The following MGA variants were observed in gnomAD, a reference collection of about 807,000 sequenced individuals.
MGA encodes the protein MAX gene-associated protein.
A neutral mutation model predicts 261.1 loss-of-function variants in MGA; 40 were observed. The observed-to-expected ratio is 0.15, with a 90% CI of 0.12 to 0.20. MGA has a LOEUF of 0.20. Among genes scored for constraint, MGA ranks in the 10% least tolerant of loss-of-function variants. The pLI, the probability that MGA is intolerant of heterozygous loss-of-function variation, is 1.00. For synonymous variants in MGA, 1,302 were observed against 1,290.6 expected, an observed-to-expected ratio of 1.01 and a Z score of -0.19; for missense variants, 3,397 against 3,630.5, an observed-to-expected ratio of 0.94 and a Z score of 1.65.
chr15:41,698,838 A>ATTTT, intron 3 of MGA, 25 bp from the exon 4 acceptor site: 8 of 1,333,050 alleles, frequency 6.0e-6, no homozygotes, highest in Non-Finnish European at 6.0e-6. Flanking sequence ...ATGAACTACT[A>ATTTT]TTTTTTTTTT....
chr15:41,679,136 A>T (rs1238587247), intron 2 of MGA, among the ~76,000 whole-genome samples: 1 of 151,892 alleles, frequency 6.6e-6, no homozygotes, highest in Non-Finnish European at 1.5e-5. Flanking sequence ...CCTGTGTTTA[A>T]GCAATTCTCC....
Position 41,761,784 on chromosome 15 carries a change from A to G in MGA, c.7444A>G (p.Ile2482Val). 10 of 1,600,954 alleles carry G rather than the reference A, an allele frequency of 6.2e-6. No individual in the cohort carries two copies. Among genetic ancestry groups the G allele is most frequent in the East Asian group, 2.2e-5 (1 of 44,648 alleles). Residue 2482 changes from isoleucine to valine, a missense_variant, in exon 21 of 24, where the codon ATA becomes GTA. By Grantham distance (29) the Ile-to-Val change is conservative. Around this residue, in one of 9 missense-constraint regions of MGA, gnomAD observed 50 missense variants for 121.5 expected, o/e 0.41. Transcript: ENST00000219905. The stretch of plus-strand genomic sequence containing the variant: ...ACTAACAGATCAGGCAGACAAATTG[A>G]TAGGACAGAAAAATCTCCTGACTCG...
At position 41,736,682 on chromosome 15, in the gene MGA, C is replaced by T. The variant is rs1187276759; in HGVS notation, c.4418C>T (p.Thr1473Ile). The T allele has an allele frequency of 1.2e-6, 2 of 1,609,002 alleles. No homozygotes were observed. The highest frequency in any genetic ancestry group is 1.7e-6 in the Non-Finnish European group (2 of 1,177,640). ...TATAAACGTAAACCCAGTTCAAGTA[C>T]ATCTGGGCTTATCCAGGTGAGAATT... Residue 1473 changes from threonine to isoleucine, a missense_variant, in exon 13 of 24, where the codon ACA becomes ATA. Physicochemically the swap from Thr to Ile is moderately conservative, Grantham distance 89 (BLOSUM62 -1). Transcript: ENST00000219905.
At chr15:41,656,357 T>TCTCTCTCTCTCC (rs2057185681), upstream of MGA, among the ~76,000 whole-genome samples, 1 of 126,534 alleles carries the variant, frequency 7.9e-6, no homozygotes, top group Non-Finnish European at 1.8e-5. Context: ...TCTCTCTCTC[T>TCTCTCTCTCTCC]CTCTCTCTCT....
intron 2 of MGA, among the ~76,000 whole-genome samples, chr15:41,676,915 T>A (rs2058416205): frequency 6.6e-6 from 1 of 152,216 alleles, no homozygotes; most frequent in African/African-American, 2.4e-5. Flanking sequence ...AACATCTACC[T>A]GGTTTCCCAG....
At chr15:41,692,165 AT>A (rs2059324371) in intron 2 of MGA, among the ~76,000 whole-genome samples, 1 of 151,898 alleles carries the variant, frequency 6.6e-6, no homozygotes, top group Admixed American at 6.6e-5. Context: ...GTGGCTTCCT[AT>A]TTTAGTAAAT....
intron 2 of MGA, among the ~76,000 whole-genome samples, chr15:41,683,641 C>T (rs1215376271): frequency 1.3e-5 from 2 of 148,198 alleles, no homozygotes; most frequent in Non-Finnish European, 3.0e-5. Flanking sequence ...TGCAGTGGCG[C>T]GATCTTGGCT....
chr15:41,762,373 C>A lies in MGA; in HGVS notation c.7744+11C>A, dbSNP rs755204797. 25 of 1,592,828 alleles carry A rather than the reference C, an allele frequency of 1.6e-5. No individual in the cohort carries two copies. In the African/African-American group the frequency reaches 3.3e-4, roughly 21 times the overall value. ...AAGACCAGGCCACAGGTAGGAGGGACATTCTTCGCTTTCCTTAATGTAGAT... is the reference window on the plus strand; with the variant it reads ...AAGACCAGGCCACAGGTAGGAGGGAAATTCTTCGCTTTCCTTAATGTAGAT... On this transcript the variant is annotated intron_variant, in intron 22 of 23. Transcript: ENST00000219905.
At chr15:41,727,120 C>T in intron 9 of MGA, 60 bp from the exon 10 acceptor site, 1 of 1,377,434 alleles carries the variant, frequency 7.3e-7, no homozygotes, top group Non-Finnish European at 9.9e-7. Context: ...TTGGCAGTGC[C>T]TCAGTATTGA....
intron 2 of MGA, among the ~76,000 whole-genome samples, chr15:41,687,035 T>C (rs924249516): frequency 1.2e-4 from 18 of 152,202 alleles, no homozygotes; most frequent in African/African-American, 4.1e-4. Flanking sequence ...ATTGCTGTTT[T>C]TTTTTTCATT....
chr15:41,662,774 C>G (rs2057489664), intron 1 of MGA, among the ~76,000 whole-genome samples: 1 of 152,112 alleles, frequency 6.6e-6, no homozygotes, highest in Non-Finnish European at 1.5e-5. Context: ...ATTTGAGTTT[C>G]ACAAATGTAA....
rs375529301 is a variant in MGA, at chr15:41,735,030, A to G, written c.3916+436A>G. Reference sequence around the variant, plus strand: ...ATTACTTTGATGACAGGTAGTGGTCAGGTGGTTACCAATTTGTTTTTGGTT... The same window carrying G: ...ATTACTTTGATGACAGGTAGTGGTCGGGTGGTTACCAATTTGTTTTTGGTT... On this transcript the variant is annotated intron_variant, in intron 12 of 23. Coordinates refer to ENST00000219905, the MANE Select transcript of MGA (RefSeq NM_001164273.2). 2.0e-5 allele frequency among the ~76,000 whole-genome samples: 3 copies of G among 152,220 alleles called. No individual in the cohort carries two copies. In the East Asian group the frequency reaches 5.8e-4, roughly 29 times the overall value.
At chr15:41,714,450 C>A (rs1464764119) in intron 9 of MGA, among the ~76,000 whole-genome samples, 1 of 152,136 alleles carries the variant, frequency 6.6e-6, no homozygotes, top group South Asian at 2.1e-4. Flanking sequence ...ACATGTTAAA[C>A]ATTTGTAGAT....
chr15:41,734,671 C>T, intron 12 of MGA, 77 bp downstream of exon 12: 1 of 1,097,536 alleles, frequency 9.1e-7, no homozygotes, highest in Non-Finnish European at 1.3e-6. Context: ...GGAGAAAACC[C>T]AAACCATCAA....
At chr15:41,644,362 A>AG (rs1173974411) in intron 1 of MGA, among the ~76,000 whole-genome samples, 2 of 150,880 alleles carry the variant, frequency 1.3e-5, no homozygotes, top group East Asian at 3.9e-4. Context: ...AAAAAAAAAA[A>AG]AAAAAAAAGA....
At chr15:41,727,076 A>T in intron 9 of MGA, 104 bp from the exon 10 acceptor site, 1 of 788,352 alleles carries the variant, frequency 1.3e-6, no homozygotes, top group Non-Finnish European at 2.0e-6. Flanking sequence ...TATTTTAACG[A>T]GTTACTGCCT....
chr15:41,755,350 C>G (rs1002869142), intron 18 of MGA, among the ~76,000 whole-genome samples: 1 of 152,184 alleles, frequency 6.6e-6, no homozygotes, highest in Non-Finnish European at 1.5e-5. Flanking sequence ...TAATAGTTTT[C>G]TTCAGTCCGG....
At chr15:41,677,178 C>T (rs565303276) in intron 2 of MGA, among the ~76,000 whole-genome samples, 9 of 152,124 alleles carry the variant, frequency 5.9e-5, no homozygotes, top group South Asian at 4.1e-4. Context: ...CTCGCTCTGT[C>T]GCCCCCAGGC....
At position 41,740,462 on chromosome 15, in the gene MGA, G is replaced by A. The variant is rs573010140; in HGVS notation, c.4585+259G>A. 7.8e-4 allele frequency among the ~76,000 whole-genome samples: 119 copies of A among 151,930 alleles called. 1 individual carries two copies. The highest frequency in any genetic ancestry group is 2.6e-3 in the African/African-American group (109 of 41,460). On this transcript the variant is annotated intron_variant, in intron 14 of 23. Coordinates refer to ENST00000219905, the MANE Select transcript of MGA (RefSeq NM_001164273.2). ...TATTTTTTAATAACACTGACTTGAA[G>A]GCAAGTTTTATAGTTATTTTTAAGG...
Sources: allele counts gnomAD v4.1 joint callset (sites outside exome capture counted in the v4.1 genomes callset), GRCh38; gene constraint gnomAD v4.1.1; regional missense constraint gnomAD v4.1.1; transcripts MANE v1.5; gene names NCBI Gene and HGNC (gene_info 2026-07-23, HGNC 2026-07-21).